The following RGS11 variants were observed in gnomAD, a reference collection of about 807,000 sequenced individuals.
RGS11 encodes the protein regulator of G-protein signaling 11.
In RGS11, 86 loss-of-function variants were observed where a neutral mutation model predicts 71.1. The ratio of observed to expected loss-of-function variants is 1.21; its 90% confidence interval spans 1.02 to 1.45. The LOEUF is 1.45. RGS11 is among the 40% of genes most tolerant of loss of function. The pLI is 0.00. For synonymous variants in RGS11, 298 were observed against 254.2 expected (o/e 1.17, Z -1.64); for missense variants, 734 against 635.1 (o/e 1.16, Z -1.67).
rs1596876400 is a variant in RGS11, at chr16:268,332, T to G, written c.*937A>C. 9 of 227,238 alleles carry G rather than the reference T, an allele frequency of 4.0e-5. No homozygotes were observed. The highest frequency in any genetic ancestry group is 2.2e-4 in the East Asian group (2 of 9,176). 14.1% of individuals were successfully genotyped at this position (227,238 alleles called of 1,614,324 possible). A position where few individuals can be genotyped will look rare whatever the true frequency, so the allele number is the denominator to read the frequency against. ...TGGGCTCAGAGCCAGGGCCCAAGGG[T>G]CTTTTATTTGTGTGCTGGACGCTGT... is the stretch of plus-strand genomic sequence containing the variant. On this transcript the variant is annotated 3_prime_UTR_variant, in exon 17 of 17. Coordinates refer to ENST00000397770, the MANE Select transcript of RGS11 (RefSeq NM_183337.3).
chr16:275,120 A>C, intron 3 of RGS11, 38 bp from the exon 4 acceptor site: 1 of 1,484,660 alleles, frequency 6.7e-7, no homozygotes. Context: ...GGGCCGCGGA[A>C]GCGGGCGAGG....
At chr16:273,348 C>A in intron 8 of RGS11, 127 bp downstream of exon 8, 1 of 708,330 alleles carries the variant, frequency 1.4e-6, no homozygotes, top group Non-Finnish European at 2.3e-6. Flanking sequence ...ACGTCCTGCC[C>A]CCACCAGGAG....
At chr16:275,124 G>A (rs993879369) in intron 3 of RGS11, 42 bp from the exon 4 acceptor site, 1 of 1,490,548 alleles carries the variant, frequency 6.7e-7, no homozygotes, top group Non-Finnish European at 8.9e-7. Context: ...CGCGGAAGCG[G>A]GCGAGGGCGG....
chr16:273,345 G>A, intron 8 of RGS11, 130 bp downstream of exon 8: 1 of 693,056 alleles, frequency 1.4e-6, no homozygotes, highest in Non-Finnish European at 2.4e-6. Context: ...AAAACGTCCT[G>A]CCCCCACCAG....
Position 271,601 on chromosome 16 carries a change from G to A in RGS11, c.658-32C>T, listed in dbSNP as rs748732044. Reference sequence around the variant, plus strand: ...GGGGATAGGTGGGCTGCAGTTAGATGCAGGTCCCCTGCTGGGGTCCAAAAT... The same window carrying A: ...GGGGATAGGTGGGCTGCAGTTAGATACAGGTCCCCTGCTGGGGTCCAAAAT... On this transcript the variant is annotated intron_variant, in intron 9 of 16. Coordinates refer to ENST00000397770, the MANE Select transcript of RGS11 (RefSeq NM_183337.3). 62 of 1,608,858 alleles carry A rather than the reference G, an allele frequency of 3.9e-5. No homozygotes were observed. In the Admixed American group the frequency reaches 1.0e-3, roughly 26 times the overall value.
chr16:275,538 G>T, intron 1 of RGS11, 40 bp from the exon 2 acceptor site: 1 of 1,465,650 alleles, frequency 6.8e-7, no homozygotes, highest in Non-Finnish European at 9.2e-7. Flanking sequence ...TGGCCGCCCC[G>T]CAACCCTGAT....
chr16:274,578 A>G, intron 4 of RGS11: 1 of 591,778 alleles, frequency 1.7e-6, no homozygotes. Flanking sequence ...GTGCCTGGGG[A>G]GGGGTACAAC....
chr16:275,653 G>A (rs1298430004), intron 1 of RGS11, 155 bp from the exon 2 acceptor site: 15 of 124,636 alleles, frequency 1.2e-4, no homozygotes, highest in East Asian at 3.1e-4. Context: ...GGGGCGGGCC[G>A]GGGAGGGCCG....
At chr16:271,732 CAG>C in intron 9 of RGS11, 163 bp from the exon 10 acceptor site, 1 of 667,632 alleles carries the variant, frequency 1.5e-6, no homozygotes, top group East Asian at 2.7e-5. Flanking sequence ...TTCTTCCAAT[CAG>C]GGATCTTTCG....
At position 271,838 on chromosome 16, in the gene RGS11, T is replaced by G. The variant is rs1055410529; in HGVS notation, c.658-269A>C. 10 of 550,236 alleles carry G rather than the reference T, an allele frequency of 1.8e-5. No individual in the cohort carries two copies. The African/African-American group carries it at 1.9e-4, about 10-fold the overall frequency. 34.1% of individuals were successfully genotyped at this position (550,236 alleles called of 1,614,324 possible). A position where few individuals can be genotyped will look rare whatever the true frequency, so the allele number is the denominator to read the frequency against. ...TTGCAACTGTAATATGTCATTTTTT[T>G]TTCTTTATTATTTTTTTGAGACAGT... On this transcript the variant is annotated intron_variant, in intron 9 of 16. Coordinates refer to ENST00000397770, the MANE Select transcript of RGS11 (RefSeq NM_183337.3).
In RGS11 at chr16:271,559, GC is replaced by G; in HGVS notation, c.667del (p.Ala223GlnfsTer20). 1 of 1,613,994 alleles carries G rather than the reference GC, an allele frequency of 6.2e-7. No individual in the cohort carries two copies. The highest frequency in any genetic ancestry group is 8.5e-7 in the Non-Finnish European group (1 of 1,180,010). ...AASRVLMTKS[A>X]DFHKREIEYF... ...ACTTACCTCCCGCTTATGGAAATCT[GC>G]ACTCTTGGTCTAGAAGGGGATAGGT... On this transcript the variant is annotated frameshift_variant, in exon 10 of 17. Coordinates refer to ENST00000397770, the MANE Select transcript of RGS11 (RefSeq NM_183337.3). LOFTEE classifies it high-confidence loss of function.
rs768664088 is a variant in RGS11 at position 270,669 on chromosome 16, T to G, written c.1068-8A>C. On this transcript the variant is annotated splice_region_variant and splice_polypyrimidine_tract_variant and intron_variant, in intron 14 of 16. Transcript: ENST00000397770. ...CCGGGGGCCAGGAACTGCCTAGGGG[T>G]GGGGACAGCACTGGGTAGTCTCGGC... 6.2e-7 allele frequency: 1 copy of G among 1,609,228 alleles called. No homozygotes were observed. Among genetic ancestry groups the G allele is most frequent in the South Asian group, 1.1e-5 (1 of 90,400 alleles).
Position 275,017 on chromosome 16 carries a change from T to G in RGS11, c.277A>C (p.Ser93Arg), listed in dbSNP as rs779750745. The G allele has an allele frequency of 2.6e-6, 4 of 1,520,588 alleles. No homozygotes were observed. Among genetic ancestry groups the G allele is most frequent in the Admixed American group, 4.1e-5 (2 of 48,724 alleles). 94.2% of individuals were successfully genotyped at this position (1,520,588 alleles called of 1,614,324 possible). The stretch of plus-strand genomic sequence containing the variant: ...GTCTCGTCTGGCCGGAGCATGAGGC[T>G]ACGGGGGTCGCGCAGCGGGTAGATG... ...GYIYPLRDPR[S>R]LMLRPDETPY... Residue 93 changes from serine (S) to arginine (R), a missense_variant, in exon 4 of 17, where the codon AGC becomes CGC. By Grantham distance (110) the Ser-to-Arg change is moderately radical. Transcript: ENST00000397770.
At chr16:270,698 G>T in intron 14 of RGS11, 37 bp from the exon 15 acceptor site, 2 of 1,609,808 alleles carry the variant, frequency 1.2e-6, no homozygotes. Flanking sequence ...TCTCGGCTGG[G>T]TGCACCTGCC....
chr16:273,488 A>ACCAG lies in RGS11; in HGVS notation c.571_574dup (p.Val192AlafsTer37). The stretch of plus-strand genomic sequence containing the variant: ...AGGTGGGCTCACCGGGGGCCTGTTC[A>ACCAG]CCAGCCAGTAGGTCTGCTCCTGGCA... On this transcript the variant is annotated frameshift_variant, in exon 8 of 17. Coordinates refer to ENST00000397770, the MANE Select transcript of RGS11 (RefSeq NM_183337.3). LOFTEE classifies it high-confidence loss of function. The ACCAG allele has an allele frequency of 1.9e-6, 3 of 1,551,110 alleles. No homozygotes were observed. Among genetic ancestry groups the ACCAG allele is most frequent in the Non-Finnish European group, 2.6e-6 (3 of 1,147,728 alleles).
chr16:275,190 G>A (rs1459653633), intron 3 of RGS11, 93 bp downstream of exon 3: 7 of 1,599,860 alleles, frequency 4.4e-6, no homozygotes, highest in Non-Finnish European at 5.1e-6. Flanking sequence ...AGCGCGCTCA[G>A]CAGGGCTCTG....
At chr16:272,296 C>T (rs532297577) in intron 9 of RGS11, 6 of 1,273,254 alleles carry the variant, frequency 4.7e-6, no homozygotes, top group African/African-American at 1.5e-5. Flanking sequence ...CGAGTCCTGG[C>T]CTGTGTCCCC....
chr16:271,159 G>A, intron 12 of RGS11, 43 bp downstream of exon 12: 1 of 1,605,816 alleles, frequency 6.2e-7, no homozygotes, highest in Non-Finnish European at 8.5e-7. Flanking sequence ...GTCCCCCCAG[G>A]CTGGGAGCAC....
intron 9 of RGS11, chr16:272,565 C>T: frequency 6.9e-7 from 1 of 1,456,370 alleles, no homozygotes; most frequent in East Asian, 2.9e-5. Flanking sequence ...CCTCCAATTC[C>T]CAGCAAACCC....
Sources: gnomAD v4.1 joint callset for allele counts on GRCh38, gnomAD v4.1.1 for gene constraint, MANE v1.5 for transcripts, NCBI Gene and HGNC (gene_info 2026-07-23, HGNC 2026-07-21) for gene names.